ARRDC4: variants seen among roughly 807,000 people sequenced by gnomAD.
ARRDC4 encodes the protein arrestin domain containing 4.
ARRDC4 carries 40 observed loss-of-function variants against 44.6 expected under a neutral mutation model. That is an observed-to-expected ratio of 0.90 (90% CI 0.70 to 1.17). ARRDC4 has a LOEUF of 1.17. Ranked by LOEUF, ARRDC4 falls within the 50% of genes most tolerant of loss-of-function variation. ARRDC4 has a pLI of 0.00. For missense variants in ARRDC4, 550 were observed against 559.1 expected, an observed-to-expected ratio of 0.98 and a Z score of 0.16; for synonymous variants, 211 against 221.2, an observed-to-expected ratio of 0.95 and a Z score of 0.41.
intron 1 of ARRDC4, among the ~76,000 whole-genome samples, chr15:97,964,380 T>C (rs952131825): frequency 1.3e-5 from 2 of 152,222 alleles, no homozygotes; most frequent in African/African-American, 4.8e-5. Context: ...TTCCGATTTC[T>C]TCATCTTATT....
rs371022195 is a variant in ARRDC4, at chr15:97,965,440, C to CA, written c.308-160_308-159insA. On this transcript the variant is annotated intron_variant, in intron 1 of 7. Coordinates refer to ENST00000268042, the MANE Select transcript of ARRDC4 (RefSeq NM_183376.3). The surrounding 1 kb of genome is among the most constrained non-coding windows in gnomAD (Gnocchi z 5.1). ...AAACACATAGACACACGCACACACA[C>CA]CCCCCTTCAAACTTAATTCTCTACA... 0.036 allele frequency among the ~76,000 whole-genome samples: 5,549 copies of CA among 152,162 alleles called. 170 individuals carry two copies. Among genetic ancestry groups the CA allele is most frequent in the African/African-American group, 0.086 (3,556 of 41,492 alleles).
chr15:97,962,365 G>A (rs999490540), intron 1 of ARRDC4, among the ~76,000 whole-genome samples: 3 of 152,140 alleles, frequency 2.0e-5, no homozygotes, highest in African/African-American at 7.2e-5. Flanking sequence ...TCCTCAGTAT[G>A]GCTTCCAGGA....
chr15:97,969,990 CCAGT>C lies in ARRDC4; in HGVS notation c.991_994del (p.Gln331SerfsTer5). 1.2e-6 allele frequency: 2 copies of C among 1,613,200 alleles called. No individual in the cohort carries two copies. Among genetic ancestry groups the C allele is most frequent in the South Asian group, 2.2e-5 (2 of 91,044 alleles). ...GCAGCAGAAACTCCAGCATTGCCAG[CCAGT>C]TCAGTATGGATATGAGCTGGTTGAC... On this transcript the variant is annotated frameshift_variant, in exon 6 of 8. Coordinates refer to ENST00000268042, the MANE Select transcript of ARRDC4 (RefSeq NM_183376.3). LOFTEE classifies it high-confidence loss of function.
Position 97,967,149 on chromosome 15 carries a change from C to T in ARRDC4, c.523-865C>T, listed in dbSNP as rs189324683. Among the ~76,000 whole-genome samples, 1 of 152,234 alleles carries T rather than the reference C, an allele frequency of 6.6e-6. No individual in the cohort carries two copies. The highest frequency in any genetic ancestry group is 1.5e-5 in the Non-Finnish European group (1 of 68,018). On this transcript the variant is annotated intron_variant, in intron 3 of 7. Transcript: ENST00000268042. This position sits in a 1 kb window ranked among gnomAD's most constrained non-coding sequence, Gnocchi z 5.0. ...ACCATTTTTGAAAAATTGGTGATGC[C>T]AAGTAGCTTGTATTTTTAAAAACTA... is the stretch of plus-strand genomic sequence containing the variant.
Position 97,970,513 on chromosome 15 carries a change from C to A in ARRDC4, c.1046-76C>A. 6.9e-7 allele frequency: 1 copy of A among 1,454,450 alleles called. No individual in the cohort carries two copies. The highest frequency in any genetic ancestry group is 1.4e-5 in the African/African-American group (1 of 71,084). The allele number at this position is 1,454,450 out of a possible 1,614,324, so 90.1% of individuals were successfully genotyped here. On this transcript the variant is annotated intron_variant, in intron 6 of 7. Transcript: ENST00000268042. The surrounding 1 kb of genome is among the most constrained non-coding windows in gnomAD (Gnocchi z 4.2). ...TTTTTATCTTCAAGTTTAGCTGTTTCTTGTTTTTGTAGCAGTTAAGAATCG... is the reference window on the plus strand; with the variant it reads ...TTTTTATCTTCAAGTTTAGCTGTTTATTGTTTTTGTAGCAGTTAAGAATCG...
At chr15:97,964,905 C>T (rs770568726) in intron 1 of ARRDC4, among the ~76,000 whole-genome samples, 1 of 152,134 alleles carries the variant, frequency 6.6e-6, no homozygotes, top group African/African-American at 2.4e-5. Context: ...CAAAATAAAT[C>T]TGTCTTTTGC....
chr15:97,969,465 A>G (rs1352592820), intron 5 of ARRDC4, 86 bp downstream of exon 5: 1 of 1,463,822 alleles, frequency 6.8e-7, no homozygotes, highest in Non-Finnish European at 9.3e-7. Flanking sequence ...AGTTGCCTAT[A>G]AAAATGTCAT....
Position 97,971,409 on chromosome 15 carries a change from G to A in ARRDC4, c.*222G>A. On this transcript the variant is annotated 3_prime_UTR_variant, in exon 8 of 8. Transcript: ENST00000268042. ...TATATATATCCCTGTTAAAAACTGG[G>A]ATGAAGATGTGCAAAGTCACAGAAT... The A allele has an allele frequency of 1.9e-6, 1 of 521,754 alleles. No homozygotes were observed. Among genetic ancestry groups the A allele is most frequent in the Non-Finnish European group, 3.5e-6 (1 of 289,742 alleles). The allele number at this position is 521,754 out of a possible 1,614,324, so 32.3% of individuals were successfully genotyped here. A position where few individuals can be genotyped will look rare whatever the true frequency, so the allele number is the denominator to read the frequency against.
rs963947570 is a variant in ARRDC4, at chr15:97,970,892, T to A, written c.1200+149T>A. On this transcript the variant is annotated intron_variant, in intron 7 of 7. Transcript: ENST00000268042. The surrounding 1 kb of genome is among the most constrained non-coding windows in gnomAD (Gnocchi z 4.2). ...TTATACAGTGGTAATAGATTATCGCTGATTCATTTGCCAGATTTTTTTACT... is the reference window on the plus strand; with the variant it reads ...TTATACAGTGGTAATAGATTATCGCAGATTCATTTGCCAGATTTTTTTACT... 2.8e-6 allele frequency: 3 copies of A among 1,053,042 alleles called. No homozygotes were observed. Among genetic ancestry groups the A allele is most frequent in the African/African-American group, 3.2e-5 (2 of 62,182 alleles). 65.2% of individuals were successfully genotyped at this position (1,053,042 alleles called of 1,614,324 possible). A position where few individuals can be genotyped will look rare whatever the true frequency, so the allele number is the denominator to read the frequency against.
At position 97,960,950 on chromosome 15, in the gene ARRDC4, G is replaced by A. The variant is rs1899300461; in HGVS notation, c.89G>A (p.Gly30Asp). 6.8e-7 allele frequency: 1 copy of A among 1,470,140 alleles called. No homozygotes were observed. Among genetic ancestry groups the A allele is most frequent in the Admixed American group, 2.4e-5 (1 of 41,910 alleles). The allele number at this position is 1,470,140 out of a possible 1,614,324, so 91.1% of individuals were successfully genotyped here. A position where few individuals can be genotyped will look rare whatever the true frequency, so the allele number is the denominator to read the frequency against. ...CTGGTGTTCGAGGACGAGCGCAAGG[G>A]CTGCTATTCCAGCGGCGAGACAGTG... ...LGLVFEDERK[G>D]CYSSGETVAG... Residue 30 changes from glycine to aspartate, a missense_variant, in exon 1 of 8, where the codon GGC (glycine) becomes GAC (aspartate). Coordinates refer to ENST00000268042, the MANE Select transcript of ARRDC4 (RefSeq NM_183376.3).
chr15:97,970,880 A>G lies in ARRDC4; in HGVS notation c.1200+137A>G, dbSNP rs1420699479. 1.8e-6 allele frequency: 2 copies of G among 1,124,672 alleles called. No homozygotes were observed. Among genetic ancestry groups the G allele is most frequent in the African/African-American group, 1.6e-5 (1 of 63,412 alleles). 69.7% of individuals were successfully genotyped at this position (1,124,672 alleles called of 1,614,324 possible). A position where few individuals can be genotyped will look rare whatever the true frequency, so the allele number is the denominator to read the frequency against. ...ATTTAAATTTGTTTATACAGTGGTA[A>G]TAGATTATCGCTGATTCATTTGCCA... On this transcript the variant is annotated intron_variant, in intron 7 of 7. Transcript: ENST00000268042. This position sits in a 1 kb window ranked among gnomAD's most constrained non-coding sequence, Gnocchi z 4.2.
At position 97,968,477 on chromosome 15, in the gene ARRDC4, A is replaced by T. The variant is rs957177518; in HGVS notation, c.625+361A>T. On this transcript the variant is annotated intron_variant, in intron 4 of 7. Coordinates refer to ENST00000268042, the MANE Select transcript of ARRDC4 (RefSeq NM_183376.3). The surrounding 1 kb of genome is among the most constrained non-coding windows in gnomAD (Gnocchi z 5.4). ...AAATGCTATTAGACATTCTGATTCCATGCTGGCTTGATATATGCAAATGCA... is the reference window on the plus strand; with the variant it reads ...AAATGCTATTAGACATTCTGATTCCTTGCTGGCTTGATATATGCAAATGCA... Among the ~76,000 whole-genome samples the T allele has an allele frequency of 6.6e-6, 1 of 152,202 alleles. No individual in the cohort carries two copies. The highest frequency in any genetic ancestry group is 1.5e-5 in the Non-Finnish European group (1 of 68,038).
At chr15:97,961,271 A>T in intron 1 of ARRDC4, 103 bp downstream of exon 1, 1 of 1,101,738 alleles carries the variant, frequency 9.1e-7, no homozygotes, top group African/African-American at 1.7e-5. Context: ...AGGTGAGATC[A>T]GGGCGGGCTT....
rs977408807 is a variant in ARRDC4, at chr15:97,971,423, A to G, written c.*236A>G. ...TTAAAAACTGGGATGAAGATGTGCA[A>G]AGTCACAGAATGTAATGGAAGTCCT... On this transcript the variant is annotated 3_prime_UTR_variant, in exon 8 of 8. Coordinates refer to ENST00000268042, the MANE Select transcript of ARRDC4 (RefSeq NM_183376.3). 2.0e-6 allele frequency: 1 copy of G among 500,008 alleles called. No individual in the cohort carries two copies. Among genetic ancestry groups the G allele is most frequent in the Non-Finnish European group, 3.6e-6 (1 of 275,920 alleles). 31.0% of individuals were successfully genotyped at this position (500,008 alleles called of 1,614,324 possible). A position where few individuals can be genotyped will look rare whatever the true frequency, so the allele number is the denominator to read the frequency against.
rs1162930604 is a variant in ARRDC4 at position 97,972,192 on chromosome 15, A to C, written c.*1005A>C. The C allele has an allele frequency of 6.6e-6, 1 of 152,604 alleles. No individual in the cohort carries two copies. Among genetic ancestry groups the C allele is most frequent in the Non-Finnish European group, 1.5e-5 (1 of 68,026 alleles). The allele number at this position is 152,604 out of a possible 1,614,324, so 9.5% of individuals were successfully genotyped here. A position where few individuals can be genotyped will look rare whatever the true frequency, so the allele number is the denominator to read the frequency against. ...TATCACTAAATATGAAACTGGGCCA[A>C]GGGGAAAATTCAGTAAGTTAGCGTT... On this transcript the variant is annotated 3_prime_UTR_variant, in exon 8 of 8. Coordinates refer to ENST00000268042, the MANE Select transcript of ARRDC4 (RefSeq NM_183376.3). This position sits in a 1 kb window ranked among gnomAD's most constrained non-coding sequence, Gnocchi z 5.3.
Position 97,962,359 on chromosome 15 carries a change from C to G in ARRDC4, c.307+1191C>G, listed in dbSNP as rs527346368. 3.9e-5 allele frequency among the ~76,000 whole-genome samples: 6 copies of G among 152,260 alleles called. No homozygotes were observed. The South Asian group carries it at 1.0e-3, about 26-fold the overall frequency. On this transcript the variant is annotated intron_variant, in intron 1 of 7. Coordinates refer to ENST00000268042, the MANE Select transcript of ARRDC4 (RefSeq NM_183376.3). ...TTCTTACTCCTTCATGCACTTTCCT[C>G]AGTATGGCTTCCAGGATCAACCCAG...
In ARRDC4 at chr15:97,965,847, G is replaced by A; in HGVS notation, c.375-48G>A. 6.3e-7 allele frequency: 1 copy of A among 1,589,334 alleles called. No individual in the cohort carries two copies. The highest frequency in any genetic ancestry group is 8.6e-7 in the Non-Finnish European group (1 of 1,169,268). On this transcript the variant is annotated intron_variant, in intron 2 of 7. Coordinates refer to ENST00000268042, the MANE Select transcript of ARRDC4 (RefSeq NM_183376.3). This position sits in a 1 kb window ranked among gnomAD's most constrained non-coding sequence, Gnocchi z 5.1. ...TTTAAACCATGCTTTTTTTGGCTTT[G>A]TTTAACTGAAAAGTAAACTCATAAT... is the stretch of plus-strand genomic sequence containing the variant.
rs143774359 is a variant in ARRDC4 at position 97,969,977 on chromosome 15, C to G, written c.977C>G (p.Ser326Cys). ...IPYNGFGSRN[S>C]SIASQFSMDM... ...TATAATGGTTTTGGCAGCAGAAACT[C>G]CAGCATTGCCAGCCAGTTCAGTATG... Residue 326 changes from serine to cysteine, a missense_variant, in exon 6 of 8, where the codon TCC (serine) becomes TGC (cysteine). Coordinates refer to ENST00000268042, the MANE Select transcript of ARRDC4 (RefSeq NM_183376.3). 5.1e-5 allele frequency: 83 copies of G among 1,613,114 alleles called. 1 individual carries two copies. The East Asian group carries it at 1.4e-3, about 28-fold the overall frequency.
At chr15:97,971,086 T>C in intron 7 of ARRDC4, 45 bp from the exon 8 acceptor site, 1 of 1,597,026 alleles carries the variant, frequency 6.3e-7, no homozygotes, top group South Asian at 1.1e-5. Context: ...AGAATCGTTT[T>C]AAATAATGCT....
Sources: allele counts gnomAD v4.1 joint callset (sites outside exome capture counted in the v4.1 genomes callset), GRCh38; gene constraint gnomAD v4.1.1; non-coding constraint Gnocchi (gnomAD v3.1); transcripts MANE v1.5; gene names NCBI Gene and HGNC (gene_info 2026-07-23, HGNC 2026-07-21).